The following NPR1 variants were observed in gnomAD, a reference collection of about 807,000 sequenced individuals.
NPR1 encodes the protein atrial natriuretic peptide receptor 1.
NPR1 carries 57 observed loss-of-function variants against 116.9 expected under a neutral mutation model. That is an observed-to-expected ratio of 0.49 (90% CI 0.39 to 0.61). NPR1 has a LOEUF of 0.61. NPR1 is among the 20% of genes least tolerant of loss of function. The pLI is 0.00. For synonymous variants in NPR1, 555 were observed against 601.6 expected (o/e 0.92, Z 1.13); for missense variants, 1,096 against 1,409.8 (o/e 0.78, Z 3.56).
Position 153,693,205 on chromosome 1 carries a change from G to A in NPR1, c.3123+8G>A, listed in dbSNP as rs756063085. 3.8e-5 allele frequency: 61 copies of A among 1,610,382 alleles called. No individual in the cohort carries two copies. The highest frequency in any genetic ancestry group is 1.1e-4 in the East Asian group (5 of 44,876). Reference sequence around the variant, plus strand: ...GGGGATGTAGAAATGAAGGTAGAGGGAGAAGCCTCTGCCCTCCCCACCTTT... The same window carrying A: ...GGGGATGTAGAAATGAAGGTAGAGGAAGAAGCCTCTGCCCTCCCCACCTTT... On this transcript the variant is annotated splice_region_variant and intron_variant, in intron 21 of 21. Coordinates refer to ENST00000368680, the MANE Select transcript of NPR1 (RefSeq NM_000906.4).
intron 20 of NPR1, among the ~76,000 whole-genome samples, chr1:153,691,436 A>C (rs1670105882): frequency 6.6e-6 from 1 of 152,212 alleles, no homozygotes; most frequent in Admixed American, 6.5e-5. Flanking sequence ...TAGCTGAGAA[A>C]TTCATGTGGA....
At position 153,687,033 on chromosome 1, in the gene NPR1, G is replaced by C. The variant is rs758605476; in HGVS notation, c.1881G>C (p.Glu627Asp). 2.5e-6 allele frequency: 4 copies of C among 1,614,158 alleles called. No homozygotes were observed. Among genetic ancestry groups the C allele is most frequent in the Non-Finnish European group, 3.4e-6 (4 of 1,179,998 alleles). The change falls in exon 12 of 22, where the codon GAG becomes GAC. Residue 627 changes from glutamate to aspartate, a missense_variant. Physicochemically the swap from Glu to Asp is conservative, Grantham distance 45. Coordinates refer to ENST00000368680, the MANE Select transcript of NPR1 (RefSeq NM_000906.4). ...RGSLQDILEN[E>D]SITLDWMFRY... is the part of the protein sequence containing the mutation. ...CCCAGCAGGACATTCTGGAGAATGA[G>C]AGCATCACCCTGGACTGGATGTTCC...
intron 13 of NPR1, 26 bp from the exon 14 acceptor site, chr1:153,687,608 G>A (rs1448492036): frequency 2.6e-6 from 4 of 1,552,854 alleles, no homozygotes; most frequent in Non-Finnish European, 3.5e-6. Context: ...TCCCTCACTC[G>A]GTGACTACCG....
chr1:153,688,813 G>C lies in NPR1; in HGVS notation c.2418-140G>C, dbSNP rs755500066. 8 of 970,944 alleles carry C rather than the reference G, an allele frequency of 8.2e-6. 1 individual carries two copies. Among genetic ancestry groups the C allele is most frequent in the African/African-American group, 3.3e-5 (2 of 61,494 alleles). The allele number at this position is 970,944 out of a possible 1,614,324, so 60.1% of individuals were successfully genotyped here. On this transcript the variant is annotated intron_variant, in intron 15 of 21. Transcript: ENST00000368680. ...TTCCTTCTGTTTTCCCCTGCTCCCC[G>C]GTATCCTGCTATGCCCTCAACCCTG...
Position 153,688,134 on chromosome 1 carries a change from G to C in NPR1, c.2330G>C (p.Gly777Ala). The change falls in exon 15 of 22, where the codon GGG becomes GCG. Residue 777 changes from glycine (G) to alanine (A), a missense_variant. Coordinates refer to ENST00000368680, the MANE Select transcript of NPR1 (RefSeq NM_000906.4). ...CTGCAGAGTCACCTGGAGGAGTTGGGGCTGCTCATGCAGCGGTGCTGGGCT... is the reference window on the plus strand; with the variant it reads ...CTGCAGAGTCACCTGGAGGAGTTGGCGCTGCTCATGCAGCGGTGCTGGGCT... ...LALQSHLEEL[G>A]LLMQRCWAED... 1.2e-6 allele frequency: 2 copies of C among 1,613,840 alleles called. No individual in the cohort carries two copies. Among genetic ancestry groups the C allele is most frequent in the Non-Finnish European group, 1.7e-6 (2 of 1,179,802 alleles).
chr1:153,681,373 T>A lies in NPR1; in HGVS notation c.1035+80T>A, dbSNP rs1307086833. ...CCCTCTGCCAGCCTCCATCCTTCCC[T>A]ATTCCCAGTTCTCCCCTTCCTTCCC... On this transcript the variant is annotated intron_variant, in intron 3 of 21. Transcript: ENST00000368680. The A allele has an allele frequency of 3.6e-6, 3 of 830,412 alleles. No homozygotes were observed. The African/African-American group carries it at 5.1e-5, about 14-fold the overall frequency. The allele number at this position is 830,412 out of a possible 1,614,324, so 51.4% of individuals were successfully genotyped here.
intron 11 of NPR1, 96 bp from the exon 12 acceptor site, chr1:153,686,920 C>T: frequency 7.2e-7 from 1 of 1,390,268 alleles, no homozygotes; most frequent in Admixed American, 1.8e-5. Flanking sequence ...AAAGTTTTGT[C>T]CTGTTCTACC....
In NPR1 at chr1:153,688,120, C is replaced by T; in HGVS notation, c.2316C>T (p.His772=). The T allele has an allele frequency of 6.2e-7, 1 of 1,613,704 alleles. No individual in the cohort carries two copies. The highest frequency in any genetic ancestry group is 8.5e-7 in the Non-Finnish European group (1 of 1,179,708). ...PFRPSLALQS[H]LEELGLLMQR... ...GGCCCTCCCTGGCCCTGCAGAGTCA[C>T]CTGGAGGAGTTGGGGCTGCTCATGC... The change falls in exon 15 of 22, where the codon CAC becomes CAT. Residue 772 remains histidine, a synonymous_variant. Transcript: ENST00000368680.
At chr1:153,683,858 G>C in intron 7 of NPR1, 34 bp downstream of exon 7, 2 of 1,596,450 alleles carry the variant, frequency 1.3e-6, no homozygotes, top group Non-Finnish European at 1.7e-6. Context: ...AGTGAGGCTG[G>C]GGGACCCGGA....
At chr1:153,686,619 A>G in intron 10 of NPR1, 27 bp from the exon 11 acceptor site, 1 of 1,597,690 alleles carries the variant, frequency 6.3e-7, no homozygotes, top group Non-Finnish European at 8.6e-7. Context: ...GTCTCTGTCA[A>G]GCTCCTGATG....
rs372853436 is a variant in NPR1 at position 153,691,898 on chromosome 1, A to G, written c.3032-1208A>G. Among the ~76,000 whole-genome samples the G allele has an allele frequency of 5.3e-5, 8 of 149,850 alleles. No individual in the cohort carries two copies. In the South Asian group the frequency reaches 1.7e-3, roughly 31 times the overall value. ...CGAGACTCTGTCTCAAAAAAAAAAA[A>G]GAGAGAAAGAAAGAAAAGAAAAGAA... On this transcript the variant is annotated intron_variant, in intron 20 of 21. Transcript: ENST00000368680.
chr1:153,679,496 G>A lies in NPR1; in HGVS notation c.388G>A (p.Ala130Thr), dbSNP rs994320968. The change falls in exon 1 of 22, where the codon GCG becomes ACG. Residue 130 changes from alanine (A) to threonine (T), a missense_variant. Transcript: ENST00000368680. The surrounding 1 kb of genome is among the most constrained non-coding windows in gnomAD (Gnocchi z 4.2). The stretch of plus-strand genomic sequence containing the variant: ...CGCCGCCCCAGTGGGGCGCTTCACC[G>A]CGCACTGGCGGGTCCCGCTGCTGAC... Reference protein sequence around the residue: ...YAAAPVGRFTAHWRVPLLTAG... With the variant: ...YAAAPVGRFTTHWRVPLLTAG... The A allele has an allele frequency of 6.5e-7, 1 of 1,539,182 alleles. No individual in the cohort carries two copies.
Position 153,693,045 on chromosome 1 carries a change from T to C in NPR1, c.3032-61T>C, listed in dbSNP as rs539341688. The C allele has an allele frequency of 2.1e-5, 29 of 1,372,034 alleles. No individual in the cohort carries two copies. In the African/African-American group the frequency reaches 4.2e-4, roughly 20 times the overall value. 85.0% of individuals were successfully genotyped at this position (1,372,034 alleles called of 1,614,324 possible). ...CCCACAGTCCCTGGTCTCTTTTGCC[T>C]CTACTTTCCTGCTCTCCTCTCTCAC... On this transcript the variant is annotated intron_variant, in intron 20 of 21. Coordinates refer to ENST00000368680, the MANE Select transcript of NPR1 (RefSeq NM_000906.4).
Position 153,689,369 on chromosome 1 carries a change from C to T in NPR1, c.2688+58C>T, listed in dbSNP as rs28730731. ...AGCTCAGCATCTGGATCCCACCAGA[C>T]CTGCCTTCTGGTTCTGCTTTACCCA... On this transcript the variant is annotated intron_variant, in intron 17 of 21. Coordinates refer to ENST00000368680, the MANE Select transcript of NPR1 (RefSeq NM_000906.4). The surrounding 1 kb of genome is among the most constrained non-coding windows in gnomAD (Gnocchi z 5.1). 47,970 of 1,613,582 alleles carry T rather than the reference C, an allele frequency of 0.03. 885 individuals carry two copies. Among genetic ancestry groups the T allele is most frequent in the Non-Finnish European group, 0.034 (40,500 of 1,179,524 alleles).
chr1:153,686,564 G>A (rs1306617231), intron 10 of NPR1, 82 bp from the exon 11 acceptor site: 4 of 1,105,974 alleles, frequency 3.6e-6, no homozygotes, highest in Non-Finnish European at 1.4e-6. Flanking sequence ...GAGTTAAGAA[G>A]AGTGAGGGTC....
chr1:153,688,475 C>T (rs966079583), intron 15 of NPR1, among the ~76,000 whole-genome samples: 1 of 152,166 alleles, frequency 6.6e-6, no homozygotes, highest in Non-Finnish European at 1.5e-5. Context: ...CCTGCCCACT[C>T]GCCTTGCTGG....
intron 1 of NPR1, among the ~76,000 whole-genome samples, chr1:153,680,229 C>T (rs1434862058): frequency 3.3e-5 from 5 of 150,300 alleles, no homozygotes; most frequent in Admixed American, 2.7e-4. Flanking sequence ...TCCTTCTCCA[C>T]CTTCAGCTCC....
In NPR1 at chr1:153,693,442, C is replaced by T. The variant is rs777597067; in HGVS notation, c.*28C>T. 1 of 1,505,254 alleles carries T rather than the reference C, an allele frequency of 6.6e-7. No homozygotes were observed. Among genetic ancestry groups the T allele is most frequent in the Non-Finnish European group, 8.9e-7 (1 of 1,118,522 alleles). The allele number at this position is 1,505,254 out of a possible 1,614,324, so 93.2% of individuals were successfully genotyped here. A position where few individuals can be genotyped will look rare whatever the true frequency, so the allele number is the denominator to read the frequency against. The stretch of plus-strand genomic sequence containing the variant: ...TGCCTCCTCTCCTATCCCTCCACAC[C>T]TCCCTACCCTGTGCCAGAAGCAACA... On this transcript the variant is annotated 3_prime_UTR_variant, in exon 22 of 22. Coordinates refer to ENST00000368680, the MANE Select transcript of NPR1 (RefSeq NM_000906.4).
At chr1:153,692,009 G>A (rs1359535394) in intron 20 of NPR1, among the ~76,000 whole-genome samples, 1 of 151,984 alleles carries the variant, frequency 6.6e-6, no homozygotes, top group Non-Finnish European at 1.5e-5. Context: ...TCAAAGAGAG[G>A]GTGTGGCAAT....
Sources: allele counts gnomAD v4.1 joint callset (sites outside exome capture counted in the v4.1 genomes callset), GRCh38; gene constraint gnomAD v4.1.1; non-coding constraint Gnocchi (gnomAD v3.1); transcripts MANE v1.5; gene names NCBI Gene and HGNC (gene_info 2026-07-23, HGNC 2026-07-21).